The following NPAS1 variants were observed in gnomAD, a reference collection of about 807,000 sequenced individuals.
The protein encoded by NPAS1 is neuronal PAS domain-containing protein 1.
NPAS1 carries 29 observed loss-of-function variants against 49.2 expected under a neutral mutation model. The ratio of observed to expected loss-of-function variants is 0.59; its 90% CI spans 0.44 to 0.80. NPAS1 has a LOEUF of 0.80. Among genes scored for constraint, NPAS1 ranks in the 30% least tolerant of loss-of-function variants. The probability of loss-of-function intolerance (pLI) is 0.00; values close to 1 mark genes in which losing one functional copy is unlikely to be tolerated. For synonymous variants in NPAS1, 408 were observed against 380.4 expected (o/e 1.07, Z -0.84); for missense variants, 825 against 835.5 (o/e 0.99, Z 0.15).
At chr19:47,025,383 A>AG (rs2056865044) in intron 3 of NPAS1, among the ~76,000 whole-genome samples, 2 of 131,492 alleles carry the variant, frequency 1.5e-5, no homozygotes, top group African/African-American at 5.0e-5. Context: ...GGTTCAAGCG[A>AG]TTCTCCTGCT....
chr19:47,040,068 G>T (rs535398504), intron 8 of NPAS1, among the ~76,000 whole-genome samples: 3 of 152,190 alleles, frequency 2.0e-5, no homozygotes, highest in South Asian at 2.1e-4. Flanking sequence ...ACTCTGTCAG[G>T]CTGGAGTGCA....
intron 9 of NPAS1, 153 bp downstream of exon 9, chr19:47,040,703 G>A: frequency 1.6e-6 from 1 of 620,250 alleles, no homozygotes; most frequent in Non-Finnish European, 2.9e-6. Flanking sequence ...TGGAAGAGCA[G>A]CAAGGAGACT....
chr19:47,022,810 G>T (rs2056849939), intron 3 of NPAS1, among the ~76,000 whole-genome samples: 1 of 152,236 alleles, frequency 6.6e-6, no homozygotes, highest in African/African-American at 2.4e-5. Flanking sequence ...GTAAGATACA[G>T]ATAAATATCT....
rs768081134 is a variant in NPAS1 at position 47,041,076 on chromosome 19, G to A, written c.1168G>A (p.Gly390Arg). The A allele has an allele frequency of 2.1e-5, 33 of 1,596,908 alleles. No individual in the cohort carries two copies. Among genetic ancestry groups the A allele is most frequent in the Non-Finnish European group, 2.3e-5 (27 of 1,174,702 alleles). The change falls in exon 10 of 12, where the codon GGG (glycine) becomes AGG (arginine). Residue 390 changes from glycine (G) to arginine (R), a missense_variant. By Grantham distance (125) the Gly-to-Arg change is moderately radical (BLOSUM62 -2). Transcript: ENST00000602212. The part of the protein sequence containing the change: ...LQSVATVAGS[G>R]KSPGEHHVLW... ...GTCTGTGGCCACAGTGGCTGGGAGC[G>A]GGAAGAGCCCCGGGGAGCACCATGT...
At chr19:47,033,228 C>A (rs1242517372) in intron 5 of NPAS1, among the ~76,000 whole-genome samples, 1 of 150,392 alleles carries the variant, frequency 6.6e-6, no homozygotes, top group East Asian at 2.0e-4. Flanking sequence ...AGCCACTGTC[C>A]TGGCTGATGA....
At chr19:47,034,009 A>G in intron 5 of NPAS1, among the ~76,000 whole-genome samples, 1 of 53,794 alleles carries the variant, frequency 1.9e-5, no homozygotes, top group African/African-American at 7.2e-5. Context: ...AAAAAAAAAA[A>G]AAAAAAAAAA....
Position 47,032,309 on chromosome 19 carries a change from C to T in NPAS1, c.390C>T (p.Val130=), listed in dbSNP as rs747034427. ...GCCGCCGCGGCCCCGCAGCGCTGGT[C>T]TCCGAAGTCTTCGAGCAGCACCTGG... ...APGRRGPAAL[V]SEVFEQHLGG... is the part of the protein sequence containing the mutation. The change falls in exon 4 of 12, where the codon GTC becomes GTT. Residue 130 remains valine, a synonymous_variant. Coordinates refer to ENST00000602212, the MANE Select transcript of NPAS1 (RefSeq NM_002517.4). 2 of 1,614,066 alleles carry T rather than the reference C, an allele frequency of 1.2e-6. No individual in the cohort carries two copies. The highest frequency in any genetic ancestry group is 1.7e-5 in the Admixed American group (1 of 60,022).
Position 47,037,387 on chromosome 19 carries a change from G to A in NPAS1, c.688+1258G>A, listed in dbSNP as rs527541556. On this transcript the variant is annotated intron_variant, in intron 6 of 11. Transcript: ENST00000602212. Reference sequence around the variant, plus strand: ...AAAAAAATTGCATTAGATCCTAAGCGCAGGCCCACAATGCAAGAAGTGTTA... The same window carrying A: ...AAAAAAATTGCATTAGATCCTAAGCACAGGCCCACAATGCAAGAAGTGTTA... 6.9e-5 allele frequency among the ~76,000 whole-genome samples: 10 copies of A among 144,688 alleles called. No homozygotes were observed. The South Asian group carries it at 1.6e-3, about 23-fold the overall frequency. The allele number at this position is 144,688 out of a possible 152,430, so 94.9% of individuals were successfully genotyped here.
intron 9 of NPAS1, 87 bp from the exon 10 acceptor site, chr19:47,040,891 C>T (rs1199342910): frequency 2.6e-6 from 3 of 1,166,216 alleles, no homozygotes; most frequent in Admixed American, 3.0e-5. Flanking sequence ...GCTCTCACTC[C>T]TCCTGTCTCC....
intron 1 of NPAS1, 88 bp from the exon 2 acceptor site, chr19:47,020,918 T>G (rs2056835168): frequency 1.2e-5 from 3 of 243,072 alleles, no homozygotes; most frequent in Non-Finnish European, 1.5e-5. Context: ...AGCTCCTTGC[T>G]GGGACCCTGA....
chr19:47,027,333 T>TCTCTCTGCCCCCGGTCCCCCC (rs1555770746), intron 3 of NPAS1, among the ~76,000 whole-genome samples: 2 of 118,688 alleles, frequency 1.7e-5, no homozygotes, highest in Non-Finnish European at 3.8e-5. Context: ...TGGATCCCCC[T>TCTCTCTGCCCCCGGTCCCCCC]CTCTCTGCCC....
At position 47,021,114 on chromosome 19, in the gene NPAS1, A is replaced by T; in HGVS notation, c.67A>T (p.Ser23Cys). 1 of 1,602,072 alleles carries T rather than the reference A, an allele frequency of 6.2e-7. No homozygotes were observed. Among genetic ancestry groups the T allele is most frequent in the Non-Finnish European group, 8.5e-7 (1 of 1,175,176 alleles). Reference sequence around the variant, plus strand: ...CAAATGCGTGGGAGGCCGCGGCGCCAGCGTCCCCTGGGACTTTCTACCCGG... The same window carrying T: ...CAAATGCGTGGGAGGCCGCGGCGCCTGCGTCCCCTGGGACTTTCTACCCGG... ...EVKCVGGRGA[S>C]VPWDFLPGLM... Residue 23 changes from serine (S) to cysteine (C), a missense_variant, in exon 2 of 12, where the codon AGC becomes TGC. Transcript: ENST00000602212. The surrounding 1 kb of genome is among the most constrained non-coding windows in gnomAD (Gnocchi z 5.7).
Position 47,021,702 on chromosome 19 carries a change from T to TCTCCC in NPAS1, c.214_218dup (p.Leu74SerfsTer39). The TCTCCC allele has an allele frequency of 6.4e-7, 1 of 1,558,042 alleles. No homozygotes were observed. Among genetic ancestry groups the TCTCCC allele is most frequent in the Non-Finnish European group, 8.7e-7 (1 of 1,152,754 alleles). On this transcript the variant is annotated frameshift_variant, in exon 3 of 12. Transcript: ENST00000602212. LOFTEE classifies it high-confidence loss of function. The surrounding 1 kb of genome is among the most constrained non-coding windows in gnomAD (Gnocchi z 5.7). ...TGGAGTTCTTCGAGCTGGCCAAGCT[T>TCTCCC]CTCCCGCTGCCCGGCGCCATCTCCA...
chr19:47,040,344 T>A (rs2057004618), intron 8 of NPAS1, 100 bp from the exon 9 acceptor site: 1 of 736,098 alleles, frequency 1.4e-6, no homozygotes, highest in Admixed American at 2.6e-5. Flanking sequence ...GCACCCATTT[T>A]ACAGCAAGGG....
chr19:47,045,148 G>A, intron 11 of NPAS1, 43 bp from the exon 12 acceptor site: 1 of 1,584,572 alleles, frequency 6.3e-7, no homozygotes. Context: ...GGAAGACTGA[G>A]GGCTGGGGAC....
chr19:47,035,544 CTT>C (rs775827274), intron 5 of NPAS1, among the ~76,000 whole-genome samples: 9 of 152,208 alleles, frequency 5.9e-5, no homozygotes, highest in Non-Finnish European at 1.0e-4. Context: ...AGCTCTAACT[CTT>C]TAAGAGCTTA....
rs552442381 is a variant in NPAS1, at chr19:47,021,205, C to G, written c.122+36C>G. On this transcript the variant is annotated intron_variant, in intron 2 of 11. Coordinates refer to ENST00000602212, the MANE Select transcript of NPAS1 (RefSeq NM_002517.4). This position sits in a 1 kb window ranked among gnomAD's most constrained non-coding sequence, Gnocchi z 5.7. ...CCCCGCCCCCCTGGCCGCGGGCCCC[C>G]CCCCGGGTCCAATTCACACCCGATG... 8.4e-5 allele frequency: 125 copies of G among 1,483,916 alleles called. No individual in the cohort carries two copies. The highest frequency in any genetic ancestry group is 1.1e-4 in the Non-Finnish European group (123 of 1,112,638). 91.9% of individuals were successfully genotyped at this position (1,483,916 alleles called of 1,614,324 possible). A position where few individuals can be genotyped will look rare whatever the true frequency, so the allele number is the denominator to read the frequency against.
chr19:47,026,180 CCA>C (rs1599895187), intron 3 of NPAS1, among the ~76,000 whole-genome samples: 1 of 151,774 alleles, frequency 6.6e-6, no homozygotes, highest in East Asian at 2.0e-4. Flanking sequence ...CTCAGGTGAT[CCA>C]TCCACCTCAG....
Position 47,032,145 on chromosome 19 carries a change from A to G in NPAS1, c.359-133A>G, listed in dbSNP as rs1179422963. ...GTCCCACGCCCCAGGTCTCTCCCCC[A>G]TGGGTGCCCAGATACCCCAAGATGT... On this transcript the variant is annotated intron_variant, in intron 3 of 11. Transcript: ENST00000602212. 19 of 739,116 alleles carry G rather than the reference A, an allele frequency of 2.6e-5. No individual in the cohort carries two copies. In the East Asian group the frequency reaches 3.5e-4, roughly 14 times the overall value. The allele number at this position is 739,116 out of a possible 1,614,324, so 45.8% of individuals were successfully genotyped here.
Sources: gnomAD v4.1 joint callset for allele counts (sites outside exome capture counted in the v4.1 genomes callset) on GRCh38, gnomAD v4.1.1 for gene constraint, Gnocchi (gnomAD v3.1) non-coding constraint, MANE v1.5 for transcripts, NCBI Gene and HGNC (gene_info 2026-07-23, HGNC 2026-07-21) for gene names.